The following CTTNBP2 variants were observed in gnomAD, a reference collection of about 807,000 sequenced individuals.
CTTNBP2 encodes cortactin binding protein 2, also known as cortactin-binding protein 2.
In CTTNBP2, 108 loss-of-function variants were observed where a neutral mutation model predicts 156.9. The ratio of observed to expected loss-of-function variants is 0.69; its 90% confidence interval spans 0.59 to 0.81. CTTNBP2 has a LOEUF of 0.81. Ranked by LOEUF, CTTNBP2 falls within the 30% of genes least tolerant of loss-of-function variation. The probability of loss-of-function intolerance (pLI) is 0.00; values close to 1 mark genes in which losing one functional copy is unlikely to be tolerated. For missense variants in CTTNBP2, 1,924 were observed against 2,035.4 expected (o/e 0.95, Z 1.05); for synonymous variants, 767 against 751.8 (o/e 1.02, Z -0.33).
At chr7:117,743,657 G>C (rs1477092819) in intron 14 of CTTNBP2, among the ~76,000 whole-genome samples, 1 of 150,718 alleles carries the variant, frequency 6.6e-6, no homozygotes, top group Admixed American at 6.6e-5. Context: ...AGCTACTCGG[G>C]AGGCTGAGGC....
intron 7 of CTTNBP2, among the ~76,000 whole-genome samples, chr7:117,778,874 A>G (rs927194171): frequency 1.3e-5 from 2 of 152,122 alleles, no homozygotes; most frequent in Non-Finnish European, 2.9e-5. Flanking sequence ...TTCATGCAGT[A>G]TTTCACATTG....
In CTTNBP2 at chr7:117,774,845, T is replaced by G. The variant is rs6967424; in HGVS notation, c.2778+2666A>C. Among the ~76,000 whole-genome samples the G allele has an allele frequency of 8.2e-3, 1,245 of 152,282 alleles. 16 individuals are homozygous for G. Among genetic ancestry groups the G allele is most frequent in the African/African-American group, 0.029 (1,198 of 41,566 alleles). ...GCTAGAGAAAAGAAAAAAAAATATT[T>G]TTAAGCTCTACTTGTGGTCAATGTA... On this transcript the variant is annotated intron_variant, in intron 8 of 22. Transcript: ENST00000160373.
intron 3 of CTTNBP2, among the ~76,000 whole-genome samples, chr7:117,795,453 C>A (rs959349537): frequency 3.9e-5 from 6 of 152,122 alleles, no homozygotes; most frequent in South Asian, 2.1e-4. Flanking sequence ...TCATCATTTG[C>A]CTCTGAAGGT....
At chr7:117,744,075 T>G (rs1305458216) in intron 14 of CTTNBP2, among the ~76,000 whole-genome samples, 1 of 152,128 alleles carries the variant, frequency 6.6e-6, no homozygotes, top group Non-Finnish European at 1.5e-5. Flanking sequence ...GTCTATGAGG[T>G]GTTTTGATAC....
intron 2 of CTTNBP2, among the ~76,000 whole-genome samples, chr7:117,811,344 A>G (rs970529186): frequency 6.6e-6 from 1 of 150,870 alleles, no homozygotes; most frequent in African/African-American, 2.4e-5. Flanking sequence ...TCTGTCATCC[A>G]GGCTGGAATG....
intron 2 of CTTNBP2, among the ~76,000 whole-genome samples, chr7:117,858,041 A>C (rs1803447555): frequency 6.6e-6 from 1 of 152,220 alleles, no homozygotes; most frequent in South Asian, 2.1e-4. Context: ...TAAATAAAGA[A>C]ATCACAATTC....
intron 9 of CTTNBP2, among the ~76,000 whole-genome samples, chr7:117,766,020 T>G (rs1797465604): frequency 1.3e-5 from 2 of 152,222 alleles, no homozygotes; most frequent in Admixed American, 1.3e-4. Context: ...TAGCTATATA[T>G]ATTTATTCCT....
chr7:117,826,714 A>G (rs1021005932), intron 2 of CTTNBP2, among the ~76,000 whole-genome samples: 15 of 144,152 alleles, frequency 1.0e-4, no homozygotes, highest in African/African-American at 4.4e-4. Context: ...AGTTTGTGAT[A>G]TTATAATAAA....
intron 9 of CTTNBP2, among the ~76,000 whole-genome samples, chr7:117,765,746 T>C (rs1318613490): frequency 6.6e-6 from 1 of 152,200 alleles, no homozygotes; most frequent in Non-Finnish European, 1.5e-5. Flanking sequence ...ATGCTTGATC[T>C]GTTTCCAGAC....
At chr7:117,820,367 CT>C (rs1249076668) in intron 2 of CTTNBP2, among the ~76,000 whole-genome samples, 1 of 152,226 alleles carries the variant, frequency 6.6e-6, no homozygotes, top group Admixed American at 6.5e-5. Flanking sequence ...TAGATCTTTA[CT>C]TCCAGAGAAT....
intron 10 of CTTNBP2, 60 bp downstream of exon 10, chr7:117,760,375 C>T (rs1797136248): frequency 6.6e-7 from 1 of 1,522,760 alleles, no homozygotes; most frequent in Non-Finnish European, 9.0e-7. Context: ...GGTTATGAAA[C>T]CCACAAACAT....
At chr7:117,803,207 C>T (rs1005466864) in intron 3 of CTTNBP2, among the ~76,000 whole-genome samples, 4 of 152,142 alleles carry the variant, frequency 2.6e-5, no homozygotes, top group South Asian at 4.1e-4. Context: ...TACACATATA[C>T]GCCAACTAAA....
chr7:117,791,336 A>G lies in CTTNBP2; in HGVS notation c.1860T>C (p.Thr620=). ...QLPPKPSIDL[T]VAPAGCAVSA... ...AAACGGCACAGCCTGCAGGTGCCAC[A>G]GTTAAATCTATGGATGGTTTTGGTG... Residue 620 remains threonine (T), a synonymous_variant, in exon 4 of 23, where the codon ACT becomes ACC. Transcript: ENST00000160373. The G allele has an allele frequency of 1.2e-6, 2 of 1,614,170 alleles. No individual in the cohort carries two copies. The highest frequency in any genetic ancestry group is 1.1e-5 in the South Asian group (1 of 91,076).
chr7:117,723,877 T>A (rs184012996), intron 19 of CTTNBP2, among the ~76,000 whole-genome samples: 1 of 151,744 alleles, frequency 6.6e-6, no homozygotes, highest in East Asian at 1.9e-4. Context: ...CTCAGGCTCC[T>A]GAGTAGCTGG....
At chr7:117,777,011 G>A (rs916930) in intron 8 of CTTNBP2, among the ~76,000 whole-genome samples, 142,625 of 152,338 alleles carry the variant, frequency 0.94, 66,887 homozygotes, top group East Asian at 1. Flanking sequence ...ATATTATACT[G>A]TTTCTTTAAT....
rs1036216289 is a variant in CTTNBP2 at position 117,725,128 on chromosome 7, C to T, written c.4185G>A (p.Gln1395=). ...TTAKRHPSQG[Q]QAVVKAALSI... Reference sequence around the variant, plus strand: ...TGAGAGCAGCTTTGACCACAGCCTGCTGTCCTTGGCTAGGGTGTCTTTTAG... The same window carrying T: ...TGAGAGCAGCTTTGACCACAGCCTGTTGTCCTTGGCTAGGGTGTCTTTTAG... The change falls in exon 18 of 23, where the codon CAG becomes CAA. Residue 1395 remains glutamine, a synonymous_variant. Coordinates refer to ENST00000160373, the MANE Select transcript of CTTNBP2 (RefSeq NM_033427.3). 1 of 1,613,358 alleles carries T rather than the reference C, an allele frequency of 6.2e-7. No homozygotes were observed. Among genetic ancestry groups the T allele is most frequent in the Admixed American group, 1.7e-5 (1 of 60,010 alleles).
chr7:117,716,439 T>C (rs1794382097), intron 22 of CTTNBP2, among the ~76,000 whole-genome samples: 2 of 152,154 alleles, frequency 1.3e-5, no homozygotes, highest in Admixed American at 6.5e-5. Context: ...CCACTGACGA[T>C]GTTCCACAAG....
At chr7:117,864,674 A>ACATCTAGATG in intron 1 of CTTNBP2, among the ~76,000 whole-genome samples, 3 of 145,936 alleles carry the variant, frequency 2.1e-5, no homozygotes, top group Non-Finnish European at 3.0e-5. Flanking sequence ...ATATATTCAT[A>ACATCTAGATG]TATTTATATA....
At chr7:117,739,581 A>T (rs1162469849) in intron 14 of CTTNBP2, among the ~76,000 whole-genome samples, 1 of 152,228 alleles carries the variant, frequency 6.6e-6, no homozygotes, top group African/African-American at 2.4e-5. Flanking sequence ...AGTCCCAGAG[A>T]GTGAATTCTG....
Sources: allele counts gnomAD v4.1 joint callset (sites outside exome capture counted in the v4.1 genomes callset), GRCh38; gene constraint gnomAD v4.1.1; transcripts MANE v1.5; gene names NCBI Gene and HGNC (gene_info 2026-07-23, HGNC 2026-07-21).